The following ST6GAL1 variants were observed in gnomAD, a reference collection of about 807,000 sequenced individuals.
ST6GAL1 encodes ST6 beta-galactoside alpha-2,6-sialyltransferase 1.
In ST6GAL1, 20 loss-of-function variants were observed where a neutral mutation model predicts 38.0. The observed-to-expected ratio is 0.53, with a 90% CI of 0.37 to 0.77. The LOEUF is 0.77. Ranked by LOEUF, ST6GAL1 falls within the 30% of genes least tolerant of loss-of-function variation. The pLI is 0.00. For synonymous variants in ST6GAL1, 196 were observed against 188.2 expected (o/e 1.04, Z -0.34); for missense variants, 432 against 496.4 (o/e 0.87, Z 1.23).
At chr3:187,047,926 T>A (rs1015958874) in intron 4 of ST6GAL1, among the ~76,000 whole-genome samples, 1 of 150,684 alleles carries the variant, frequency 6.6e-6, no homozygotes, top group Non-Finnish European at 1.5e-5. Context: ...CTCCTTTGAT[T>A]GGCTTTTTTC....
intron 2 of ST6GAL1, among the ~76,000 whole-genome samples, chr3:186,998,964 G>A (rs1045412615): frequency 6.6e-6 from 1 of 152,212 alleles, no homozygotes; most frequent in Non-Finnish European, 1.5e-5. Context: ...AACTTGCCTG[G>A]GGGGCACGAA....
At chr3:187,039,185 G>A (rs570686663) in intron 3 of ST6GAL1, among the ~76,000 whole-genome samples, 1 of 152,304 alleles carries the variant, frequency 6.6e-6, no homozygotes, top group Non-Finnish European at 1.5e-5. Flanking sequence ...CATGACGGGT[G>A]GGTCGGGACA....
At chr3:187,036,320 C>G (rs1717930238) in intron 2 of ST6GAL1, among the ~76,000 whole-genome samples, 1 of 152,160 alleles carries the variant, frequency 6.6e-6, no homozygotes, top group African/African-American at 2.4e-5. Context: ...TTAGTTCAGC[C>G]ACCATGAAAA....
intron 2 of ST6GAL1, among the ~76,000 whole-genome samples, chr3:186,996,838 A>G (rs1227532213): frequency 6.6e-6 from 1 of 151,732 alleles, no homozygotes; most frequent in Admixed American, 6.6e-5. Flanking sequence ...GCCACTACAT[A>G]CGTGTCCCCC....
chr3:187,062,096 T>A (rs1718935289), intron 5 of ST6GAL1, among the ~76,000 whole-genome samples: 1 of 152,164 alleles, frequency 6.6e-6, no homozygotes, highest in African/African-American at 2.4e-5. Flanking sequence ...GATATACAAA[T>A]GGTTAGTAAG....
intron 2 of ST6GAL1, among the ~76,000 whole-genome samples, chr3:187,010,278 G>A (rs868770437): frequency 6.6e-6 from 1 of 152,098 alleles, no homozygotes; most frequent in South Asian, 2.1e-4. Context: ...ATTTTTCCAT[G>A]AGTTACTTAA....
intron 2 of ST6GAL1, among the ~76,000 whole-genome samples, chr3:187,012,005 A>G (rs1002537474): frequency 6.6e-6 from 1 of 152,188 alleles, no homozygotes; most frequent in Non-Finnish European, 1.5e-5. Context: ...TTCCAGGGCA[A>G]CCTAGCCAAG....
At chr3:187,031,650 GTCACGGGCT>G (rs1197110362) in intron 2 of ST6GAL1, among the ~76,000 whole-genome samples, 1 of 152,052 alleles carries the variant, frequency 6.6e-6, no homozygotes, top group Admixed American at 6.5e-5. Flanking sequence ...GGTCAGGCTG[GTCACGGGCT>G]TCTGACTTCA....
At chr3:187,052,738 A>G (rs1718559767) in intron 5 of ST6GAL1, among the ~76,000 whole-genome samples, 1 of 152,176 alleles carries the variant, frequency 6.6e-6, no homozygotes, top group Non-Finnish European at 1.5e-5. Context: ...TGCTATTGTG[A>G]ATACTGCCAC....
Position 187,077,194 on chromosome 3 carries a change from A to C in ST6GAL1, c.*1391A>C, listed in dbSNP as rs140956587. 13 of 387,880 alleles carry C rather than the reference A, an allele frequency of 3.4e-5. No individual in the cohort carries two copies. Among genetic ancestry groups the C allele is most frequent in the East Asian group, 3.3e-4 (9 of 27,194 alleles). 24.0% of individuals were successfully genotyped at this position (387,880 alleles called of 1,614,324 possible). Reference sequence around the variant, plus strand: ...CAATGCTCTGCACCTCTTCCTTGCAAGTGAGCAACTTCAGGCTCTCTGGGC... The same window carrying C: ...CAATGCTCTGCACCTCTTCCTTGCACGTGAGCAACTTCAGGCTCTCTGGGC... On this transcript the variant is annotated 3_prime_UTR_variant, in exon 8 of 8. Coordinates refer to ENST00000169298, the MANE Select transcript of ST6GAL1 (RefSeq NM_173216.2).
chr3:186,937,137 G>A (rs922513824), intron 1 of ST6GAL1, among the ~76,000 whole-genome samples: 2 of 151,686 alleles, frequency 1.3e-5, no homozygotes, highest in Admixed American at 1.3e-4. Flanking sequence ...TACTGTATGT[G>A]CAGTTATGTC....
At chr3:187,047,889 G>A (rs1181042690) in intron 4 of ST6GAL1, among the ~76,000 whole-genome samples, 1 of 151,678 alleles carries the variant, frequency 6.6e-6, no homozygotes, top group Non-Finnish European at 1.5e-5. Flanking sequence ...TGGGTAATTA[G>A]AATATCCATC....
intron 1 of ST6GAL1, among the ~76,000 whole-genome samples, chr3:186,941,551 A>G (rs1714173504): frequency 6.6e-6 from 1 of 151,796 alleles, no homozygotes; most frequent in African/African-American, 2.4e-5. Flanking sequence ...CATTACAGTC[A>G]CACTGAGTGG....
intron 1 of ST6GAL1, among the ~76,000 whole-genome samples, chr3:186,931,843 A>AT (rs1308463341): frequency 2.0e-5 from 3 of 152,232 alleles, no homozygotes; most frequent in African/African-American, 7.2e-5. Flanking sequence ...GGGACGTACA[A>AT]TTTTCAGTTC....
At chr3:186,968,292 A>G (rs960733733) in intron 2 of ST6GAL1, among the ~76,000 whole-genome samples, 3 of 152,204 alleles carry the variant, frequency 2.0e-5, no homozygotes, top group Admixed American at 1.3e-4. Flanking sequence ...AATTATTTAT[A>G]TAAAGTTTTT....
chr3:186,986,513 G>A (rs988878803), intron 2 of ST6GAL1: 4 of 152,720 alleles, frequency 2.6e-5, no homozygotes, highest in African/African-American at 9.7e-5. Flanking sequence ...CAATGTAGGG[G>A]GTTGCTTTTT....
chr3:187,010,395 TC>T (rs1344212186), intron 2 of ST6GAL1, among the ~76,000 whole-genome samples: 1 of 152,160 alleles, frequency 6.6e-6, no homozygotes, highest in Non-Finnish European at 1.5e-5. Context: ...TGACATTGAA[TC>T]CCCAGCCTGT....
At chr3:186,988,589 T>TGGGGGGGTGGTGGTGGGGGCGGGG (rs1716039552) in intron 2 of ST6GAL1, among the ~76,000 whole-genome samples, 1 of 6,288 alleles carries the variant, frequency 1.6e-4, no homozygotes. Context: ...TGGGGGCGGG[T>TGGGGGGGTGGTGGTGGGGGCGGGG]GGTGGTGGGG....
intron 2 of ST6GAL1, among the ~76,000 whole-genome samples, chr3:186,980,329 C>A (rs1715652738): frequency 6.6e-6 from 1 of 152,112 alleles, no homozygotes; most frequent in Admixed American, 6.5e-5. Context: ...TGCCTTCCTG[C>A]CTGTAAGTTG....
Sources: gnomAD v4.1 joint callset for allele counts (sites outside exome capture counted in the v4.1 genomes callset) on GRCh38, gnomAD v4.1.1 for gene constraint, MANE v1.5 for transcripts, NCBI Gene and HGNC (gene_info 2026-07-23, HGNC 2026-07-21) for gene names.